The following BRCA1 variants were observed in gnomAD, a reference collection of about 807,000 sequenced individuals.
The protein encoded by BRCA1 is breast cancer type 1 susceptibility protein.
A neutral mutation model predicts 173.7 loss-of-function variants in BRCA1; 140 were observed. The observed-to-expected ratio is 0.81, with a 90% CI of 0.70 to 0.93. BRCA1 has a LOEUF of 0.93. Among genes scored for constraint, BRCA1 ranks in the 40% least tolerant of loss-of-function variants. The pLI, the probability that BRCA1 is intolerant of heterozygous loss-of-function variation, is 0.00. For synonymous variants in BRCA1, 662 were observed against 756.0 expected (o/e 0.88, Z 2.04); for missense variants, 1,983 against 2,172.5 (o/e 0.91, Z 1.73).
intron 2 of BRCA1, among the ~76,000 whole-genome samples, 168 bp downstream of exon 2, chr17:43,123,849 A>T (rs1401621127): frequency 1.3e-5 from 2 of 152,258 alleles, no homozygotes; most frequent in African/African-American, 4.8e-5. Context: ...AGAACAAGGA[A>T]TCATTTTCTA....
At chr17:43,078,641 T>C (rs1189180557) in intron 12 of BRCA1, among the ~76,000 whole-genome samples, 5 of 152,240 alleles carry the variant, frequency 3.3e-5, no homozygotes, top group Non-Finnish European at 5.9e-5. Flanking sequence ...ATTAAACTGT[T>C]TTTTTAAGAC....
chr17:43,099,418 G>A (rs182621689), intron 7 of BRCA1, among the ~76,000 whole-genome samples: 113 of 151,690 alleles, frequency 7.4e-4, no homozygotes, highest in Non-Finnish European at 1.2e-3. Context: ...TTACAGTTAT[G>A]TGCCACCACA....
At chr17:43,120,877 C>T (rs1440725540) in intron 2 of BRCA1, among the ~76,000 whole-genome samples, 3 of 150,540 alleles carry the variant, frequency 2.0e-5, no homozygotes, top group African/African-American at 7.3e-5. Flanking sequence ...CCAGCCTGAC[C>T]AACGTGATGA....
chr17:43,079,385 C>T lies in BRCA1; in HGVS notation c.4358-2771G>A, dbSNP rs1173323937. The stretch of plus-strand genomic sequence containing the variant: ...GAAAACATGGAGTTGTTCCTTTGGC[C>T]ATGTATATGCGAATCTGTAAGAAAG... On this transcript the variant is annotated intron_variant, in intron 12 of 22. Coordinates refer to ENST00000357654, the MANE Select transcript of BRCA1 (RefSeq NM_007294.4). 10 of 1,596,664 alleles carry T rather than the reference C, an allele frequency of 6.3e-6. No homozygotes were observed. Among genetic ancestry groups the T allele is most frequent in the African/African-American group, 1.3e-5 (1 of 74,776 alleles).
At chr17:43,067,371 C>T (rs1226914862) in intron 16 of BRCA1, 2 of 399,010 alleles carry the variant, frequency 5.0e-6, no homozygotes, top group Non-Finnish European at 9.4e-6. Context: ...TCTCCTGCCT[C>T]AGCCTCACGA....
intron 1 of BRCA1, chr17:43,148,729 C>T (rs1311031372): frequency 6.2e-6 from 1 of 162,400 alleles, no homozygotes. Context: ...GCTCAGGGGC[C>T]TGACATTGAG....
chr17:43,072,720 A>G (rs926125639), intron 14 of BRCA1, among the ~76,000 whole-genome samples: 2 of 151,640 alleles, frequency 1.3e-5, no homozygotes, highest in African/African-American at 4.8e-5. Flanking sequence ...ATAAGCCACC[A>G]AGCCTGGCTA....
intron 6 of BRCA1, among the ~76,000 whole-genome samples, chr17:43,102,066 C>T (rs1243816474): frequency 6.6e-6 from 1 of 151,502 alleles, no homozygotes. Context: ...CCACGCCCAG[C>T]TAAGTTTTTT....
At chr17:43,064,427 C>T (rs2051963267) in intron 16 of BRCA1, among the ~76,000 whole-genome samples, 1 of 152,180 alleles carries the variant, frequency 6.6e-6, no homozygotes, top group Non-Finnish European at 1.5e-5. Context: ...CTGGGGAGTC[C>T]TAACCCTCTA....
At chr17:43,137,911 G>GCGC (rs2056040657) in intron 1 of BRCA1, among the ~76,000 whole-genome samples, 1 of 152,048 alleles carries the variant, frequency 6.6e-6, no homozygotes, top group African/African-American at 2.4e-5. Flanking sequence ...AATAGGCCGG[G>GCGC]CGCGGTGTCT....
chr17:43,122,873 C>T (rs1027547163), intron 2 of BRCA1, among the ~76,000 whole-genome samples: 1 of 150,998 alleles, frequency 6.6e-6, no homozygotes, highest in Admixed American at 6.6e-5. Flanking sequence ...GGTGAAATCC[C>T]GCCTCTACTA....
chr17:43,063,079 G>C (rs936775648), intron 18 of BRCA1, among the ~76,000 whole-genome samples: 1 of 151,936 alleles, frequency 6.6e-6, no homozygotes, highest in African/African-American at 2.4e-5. Context: ...TAGTAGAAAC[G>C]GGGTTTCTCC....
At chr17:43,062,064 T>C (rs2051785724) in intron 18 of BRCA1, among the ~76,000 whole-genome samples, 1 of 152,158 alleles carries the variant, frequency 6.6e-6, no homozygotes, top group Non-Finnish European at 1.5e-5. Context: ...CATTTGCATG[T>C]ATATATATGT....
intron 8 of BRCA1, 59 bp from the exon 9 acceptor site, chr17:43,095,981 C>G (rs2054121070): frequency 7.3e-7 from 1 of 1,367,470 alleles, no homozygotes; most frequent in Non-Finnish European, 1.0e-6. Flanking sequence ...GCAGAACTGT[C>G]AAATGACCAA....
At chr17:43,123,584 G>A (rs1055049256) in intron 2 of BRCA1, among the ~76,000 whole-genome samples, 4 of 152,046 alleles carry the variant, frequency 2.6e-5, no homozygotes, top group Non-Finnish European at 4.4e-5. Flanking sequence ...TCCTGACCTC[G>A]TGATCCTACC....
intron 1 of BRCA1, among the ~76,000 whole-genome samples, chr17:43,134,677 C>G (rs1002735293): frequency 6.6e-6 from 1 of 152,130 alleles, no homozygotes; most frequent in African/African-American, 2.4e-5. Context: ...AATCTTCCTG[C>G]TCAACCATGA....
chr17:43,118,079 A>C (rs2055377308), intron 2 of BRCA1, among the ~76,000 whole-genome samples: 1 of 151,980 alleles, frequency 6.6e-6, no homozygotes. Flanking sequence ...TGGGGGTGAG[A>C]TGTACATGGG....
Position 43,103,188 on chromosome 17 carries a change from C to T in BRCA1, c.441+934G>A, listed in dbSNP as rs571088594. 2.4e-4 allele frequency among the ~76,000 whole-genome samples: 37 copies of T among 151,924 alleles called. No individual in the cohort carries two copies. The South Asian group carries it at 6.2e-3, about 26-fold the overall frequency. ...GCCTATAAGAGCTCTCTTTTTTGGCCGGGCTTGGTGGCTCACGCCTGTAAT... is the reference window on the plus strand; with the variant it reads ...GCCTATAAGAGCTCTCTTTTTTGGCTGGGCTTGGTGGCTCACGCCTGTAAT... On this transcript the variant is annotated intron_variant, in intron 6 of 22. Transcript: ENST00000357654.
At chr17:43,080,723 C>T (rs558289248) in intron 12 of BRCA1, among the ~76,000 whole-genome samples, 9 of 151,992 alleles carry the variant, frequency 5.9e-5, no homozygotes, top group Non-Finnish European at 1.3e-4. Flanking sequence ...GCAGGAGGAT[C>T]GCTTGAGGAG....
Sources: gnomAD v4.1 joint callset for allele counts (sites outside exome capture counted in the v4.1 genomes callset) on GRCh38, gnomAD v4.1.1 for gene constraint, MANE v1.5 for transcripts, NCBI Gene and HGNC (gene_info 2026-07-23, HGNC 2026-07-21) for gene names.